FAF1: variants seen among roughly 807,000 people sequenced by gnomAD.
FAF1 encodes the protein FAS-associated factor 1.
FAF1 carries 25 observed loss-of-function variants against 92.5 expected under a neutral mutation model. The ratio of observed to expected loss-of-function variants is 0.27; its 90% CI spans 0.20 to 0.38. FAF1 has a LOEUF of 0.38. Ranked by LOEUF, FAF1 falls within the 10% of genes least tolerant of loss-of-function variation. FAF1 has a pLI of 1.00. For synonymous variants in FAF1, 234 were observed against 273.2 expected, an observed-to-expected ratio of 0.86 and a Z score of 1.42; for missense variants, 636 against 793.3, an observed-to-expected ratio of 0.80 and a Z score of 2.38.
intron 1 of FAF1, among the ~76,000 whole-genome samples, chr1:50,906,823 A>C (rs1249713527): frequency 6.6e-6 from 1 of 152,224 alleles, no homozygotes; most frequent in African/African-American, 2.4e-5. Flanking sequence ...TGTCATCTGC[A>C]AACAGGGACA....
intron 7 of FAF1, among the ~76,000 whole-genome samples, chr1:50,685,125 GGCTGAGGGAGAAGA>G (rs1656599248): frequency 6.6e-6 from 1 of 152,196 alleles, no homozygotes; most frequent in Non-Finnish European, 1.5e-5. Context: ...GAAGGGGTAA[GGCTGAGGGAGAAGA>G]GCTGAGGGAA....
intron 1 of FAF1, among the ~76,000 whole-genome samples, chr1:50,929,279 A>G (rs1452789697): frequency 6.6e-6 from 1 of 152,184 alleles, no homozygotes; most frequent in Non-Finnish European, 1.5e-5. Flanking sequence ...CAATTTATAC[A>G]TAGGAAAGCA....
intron 18 of FAF1, among the ~76,000 whole-genome samples, chr1:50,451,250 G>T (rs78068378): frequency 0.014 from 2,083 of 152,280 alleles, 44 homozygotes; most frequent in African/African-American, 0.046. Context: ...AGTAAGAGAG[G>T]AATAGAAATT....
chr1:50,643,456 C>T (rs114329036), intron 8 of FAF1, among the ~76,000 whole-genome samples: 1,572 of 151,990 alleles, frequency 0.01, 25 homozygotes, highest in African/African-American at 0.036. Context: ...GGAACAGTTT[C>T]TATTGCTGTA....
At chr1:50,831,147 A>G (rs1644149003) in intron 2 of FAF1, among the ~76,000 whole-genome samples, 1 of 152,094 alleles carries the variant, frequency 6.6e-6, no homozygotes, top group Non-Finnish European at 1.5e-5. Context: ...TTTTTTTTTA[A>G]AGTTCCTAAT....
chr1:50,548,352 T>A (rs138874058), intron 13 of FAF1, among the ~76,000 whole-genome samples: 1 of 152,312 alleles, frequency 6.6e-6, no homozygotes, highest in East Asian at 1.9e-4. Flanking sequence ...CAGGGAGAAC[T>A]TGATGTTGTA....
chr1:50,526,444 A>G (rs1572808622), intron 15 of FAF1, among the ~76,000 whole-genome samples: 1 of 151,328 alleles, frequency 6.6e-6, no homozygotes, highest in Non-Finnish European at 1.5e-5. Flanking sequence ...AAAAATAATA[A>G]TAATATTTAT....
chr1:50,458,439 C>T (rs759119079), intron 18 of FAF1, among the ~76,000 whole-genome samples: 46 of 152,084 alleles, frequency 3.0e-4, no homozygotes, highest in Admixed American at 5.2e-4. Flanking sequence ...GGAACTAATA[C>T]CTGGCATACA....
intron 14 of FAF1, among the ~76,000 whole-genome samples, chr1:50,535,927 CA>C (rs540696491): frequency 1.7e-4 from 26 of 152,076 alleles, no homozygotes; most frequent in African/African-American, 6.0e-4. Context: ...AGTCTTAGCT[CA>C]AAAAAACCTC....
At chr1:50,761,582 A>G (rs1660329342) in intron 4 of FAF1, among the ~76,000 whole-genome samples, 1 of 152,244 alleles carries the variant, frequency 6.6e-6, no homozygotes, top group Non-Finnish European at 1.5e-5. Context: ...AACCAAAGAC[A>G]AAAACCACAT....
intron 9 of FAF1, among the ~76,000 whole-genome samples, chr1:50,590,118 T>C (rs914792280): frequency 9.2e-5 from 14 of 152,196 alleles, no homozygotes; most frequent in African/African-American, 3.4e-4. Flanking sequence ...TCCAGCTTTG[T>C]TCTTTTTCAG....
At chr1:50,956,163 A>G (rs1570187487) in intron 1 of FAF1, among the ~76,000 whole-genome samples, 1 of 152,146 alleles carries the variant, frequency 6.6e-6, no homozygotes, top group East Asian at 1.9e-4. Context: ...TAAGGATTGT[A>G]CCACAATTTT....
At chr1:50,735,599 T>C (rs1343488902) in intron 6 of FAF1, among the ~76,000 whole-genome samples, 8 of 152,226 alleles carry the variant, frequency 5.3e-5, no homozygotes, top group Non-Finnish European at 7.3e-5. Context: ...AGAAGTTTTT[T>C]TGTTTTCTTG....
At chr1:50,885,295 T>TTCTCTCTCTCTCTC (rs147647466) in intron 1 of FAF1, among the ~76,000 whole-genome samples, 26 of 137,364 alleles carry the variant, frequency 1.9e-4, no homozygotes, top group African/African-American at 5.0e-4. Context: ...CCGTGTCTCT[T>TTCTCTCTCTCTCTC]TCTCTCTCTC....
At chr1:50,823,634 A>AGTT (rs1314904203) in intron 2 of FAF1, among the ~76,000 whole-genome samples, 1 of 152,080 alleles carries the variant, frequency 6.6e-6, no homozygotes, top group Non-Finnish European at 1.5e-5. Flanking sequence ...CTTACCAATG[A>AGTT]GTTGTTCTAC....
chr1:50,577,500 G>A (rs1014563492), intron 12 of FAF1, among the ~76,000 whole-genome samples: 11 of 152,198 alleles, frequency 7.2e-5, no homozygotes, highest in Admixed American at 6.5e-4. Context: ...ACTCCAAACT[G>A]GGTGACAGAG....
intron 15 of FAF1, among the ~76,000 whole-genome samples, chr1:50,502,414 T>C (rs1647002782): frequency 6.6e-6 from 1 of 152,202 alleles, no homozygotes; most frequent in South Asian, 2.1e-4. Context: ...CTTGATTTTA[T>C]TAGCAAAAAT....
At chr1:50,938,018 C>A (rs1240718281) in intron 1 of FAF1, among the ~76,000 whole-genome samples, 1 of 152,102 alleles carries the variant, frequency 6.6e-6, no homozygotes, top group South Asian at 2.1e-4. Context: ...TGATTTAAAG[C>A]AGTAAGAATT....
intron 2 of FAF1, among the ~76,000 whole-genome samples, chr1:50,813,469 A>T (rs542289258): frequency 5.9e-5 from 9 of 151,602 alleles, no homozygotes; most frequent in Admixed American, 1.3e-4. Flanking sequence ...TTTTAAAAAA[A>T]TTTTTTTTTG....
Sources: allele counts gnomAD v4.1 joint callset (sites outside exome capture counted in the v4.1 genomes callset), GRCh38; gene constraint gnomAD v4.1.1; transcripts MANE v1.5; gene names NCBI Gene and HGNC (gene_info 2026-07-23, HGNC 2026-07-21).